The following SUCO variants were observed in gnomAD, a reference collection of about 807,000 sequenced individuals.
SUCO encodes SUN domain containing ossification factor, also known as SUN domain-containing ossification factor.
SUCO carries 57 observed loss-of-function variants against 148.1 expected under a neutral mutation model. The observed-to-expected ratio is 0.38, with a 90% CI of 0.31 to 0.48. The LOEUF (loss-of-function observed/expected upper bound fraction) is 0.48, where lower values mean the gene tolerates loss of function less well. Among genes scored for constraint, SUCO ranks in the 20% least tolerant of loss-of-function variants. SUCO has a pLI of 0.96. For synonymous variants in SUCO, 470 were observed against 502.7 expected, an observed-to-expected ratio of 0.93 and a Z score of 0.87; for missense variants, 1,331 against 1,468.2, an observed-to-expected ratio of 0.91 and a Z score of 1.53.
chr1:172,573,837 A>T, intron 9 of SUCO, 54 bp from the exon 10 acceptor site: 1 of 982,486 alleles, frequency 1.0e-6, no homozygotes, highest in Non-Finnish European at 1.6e-6. Flanking sequence ...GTCATATTTA[A>T]TATGAACTGT....
chr1:172,575,728 C>G (rs561650018), intron 11 of SUCO, 105 bp downstream of exon 11: 1 of 682,996 alleles, frequency 1.5e-6, no homozygotes, highest in South Asian at 1.9e-5. Context: ...AAGAAATAGA[C>G]TACACTATAC....
At chr1:172,565,105 A>C (rs1654463028) in intron 6 of SUCO, among the ~76,000 whole-genome samples, 1 of 151,998 alleles carries the variant, frequency 6.6e-6, no homozygotes, top group African/African-American at 2.4e-5. Context: ...TTCTATTCTC[A>C]TGCCATTTTA....
At chr1:172,602,616 C>T in intron 21 of SUCO, 80 bp from the exon 22 acceptor site, 6 of 1,561,650 alleles carry the variant, frequency 3.8e-6, no homozygotes, top group Non-Finnish European at 4.3e-6. Context: ...TCTCAATAAC[C>T]TCTGTGTAGC....
chr1:172,535,708 C>G (rs142413718), intron 1 of SUCO, among the ~76,000 whole-genome samples: 18 of 152,270 alleles, frequency 1.2e-4, no homozygotes, highest in African/African-American at 4.3e-4. Flanking sequence ...CAAATTGTCT[C>G]AAAATTTTGT....
intron 1 of SUCO, among the ~76,000 whole-genome samples, chr1:172,543,866 G>T (rs1329994886): frequency 6.6e-6 from 1 of 152,022 alleles, no homozygotes; most frequent in Admixed American, 6.6e-5. Flanking sequence ...CAGAAGAGAA[G>T]CAACCTTAAA....
intron 1 of SUCO, among the ~76,000 whole-genome samples, chr1:172,539,410 C>T (rs561317045): frequency 1.1e-4 from 17 of 152,218 alleles, no homozygotes; most frequent in Admixed American, 7.2e-4. Flanking sequence ...TTGTACATGT[C>T]ACAAGGGAAT....
At chr1:172,565,398 T>C (rs1205386453) in intron 6 of SUCO, among the ~76,000 whole-genome samples, 1 of 152,208 alleles carries the variant, frequency 6.6e-6, no homozygotes, top group Non-Finnish European at 1.5e-5. Flanking sequence ...CTTCTAACTT[T>C]AGGACAGAAA....
At chr1:172,562,191 ACT>A (rs1267734060) in intron 6 of SUCO, among the ~76,000 whole-genome samples, 2 of 152,288 alleles carry the variant, frequency 1.3e-5, no homozygotes, top group East Asian at 3.9e-4. Flanking sequence ...GAGGAGAAAA[ACT>A]CACAGGAGCT....
At chr1:172,562,336 T>A (rs1176089291) in intron 6 of SUCO, among the ~76,000 whole-genome samples, 2 of 150,976 alleles carry the variant, frequency 1.3e-5, no homozygotes, top group African/African-American at 4.9e-5. Flanking sequence ...CATTTTTTTT[T>A]TTTTTTTTTT....
chr1:172,600,591 C>T (rs1463555777), intron 20 of SUCO, among the ~76,000 whole-genome samples: 2 of 152,096 alleles, frequency 1.3e-5, no homozygotes, highest in Non-Finnish European at 2.9e-5. Context: ...TTAATAGTCC[C>T]TGGCCTCACA....
rs1406791058 is a variant in SUCO at position 172,578,380 on chromosome 1, G to T, written c.1423G>T (p.Glu475Ter). ...CTCAGAACGCCAGGAACTATTTGAT[G>T]AGGACTATGGTAAGTGACATCAAAC... ...YHSERQELFD[E>*]DYDYPLDYNT... Residue 475 changes from glutamate to a stop codon, truncating the protein, a stop_gained, in exon 14 of 24, where the codon GAG becomes TAG. Transcript: ENST00000263688. LOFTEE classifies it high-confidence loss of function. The T allele has an allele frequency of 6.2e-7, 1 of 1,611,510 alleles. No homozygotes were observed. Among genetic ancestry groups the T allele is most frequent in the Non-Finnish European group, 8.5e-7 (1 of 1,177,900 alleles).
At chr1:172,586,875 T>G (rs980468294) in intron 17 of SUCO, among the ~76,000 whole-genome samples, 4 of 152,132 alleles carry the variant, frequency 2.6e-5, no homozygotes, top group African/African-American at 9.6e-5. Flanking sequence ...AGATATTTAT[T>G]GGGTAATTAG....
intron 19 of SUCO, among the ~76,000 whole-genome samples, chr1:172,594,451 A>G (rs544309173): frequency 1.1e-4 from 16 of 152,246 alleles, no homozygotes; most frequent in Admixed American, 1.0e-3. Context: ...ACTGCTTTAA[A>G]TGTGTCCCAG....
At chr1:172,590,043 G>T in intron 18 of SUCO, 117 bp downstream of exon 18, 2 of 755,408 alleles carry the variant, frequency 2.6e-6, no homozygotes, top group Non-Finnish European at 3.7e-6. Context: ...AGAGGTAAGC[G>T]CAATTTTAGC....
At chr1:172,562,202 C>T (rs1315264830) in intron 6 of SUCO, among the ~76,000 whole-genome samples, 2 of 151,900 alleles carry the variant, frequency 1.3e-5, no homozygotes, top group Non-Finnish European at 2.9e-5. Context: ...CTCACAGGAG[C>T]TCACAAAAAA....
intron 23 of SUCO, 67 bp downstream of exon 23, chr1:172,608,869 A>C: frequency 8.9e-7 from 1 of 1,127,210 alleles, no homozygotes. Flanking sequence ...AAAGAGGTTG[A>C]AAGGTTTAAG....
rs771848544 is a variant in SUCO, at chr1:172,589,069, A to G, written c.1968A>G (p.Lys656=). 9.3e-6 allele frequency: 15 copies of G among 1,613,762 alleles called. No homozygotes were observed. The highest frequency in any genetic ancestry group is 1.2e-5 in the Non-Finnish European group (14 of 1,179,830). The part of the protein sequence containing the change: ...QRSRTALSKG[K]DYLVLAQPPL... Reference sequence around the variant, plus strand: ...GCCGAACTGCTTTGAGTAAAGGAAAAGATTATCTTGTGTTAGCTCAACCAC... The same window carrying G: ...GCCGAACTGCTTTGAGTAAAGGAAAGGATTATCTTGTGTTAGCTCAACCAC... Residue 656 remains lysine, a synonymous_variant, in exon 18 of 24, where the codon AAA becomes AAG. Transcript: ENST00000263688.
chr1:172,578,250 TA>T lies in SUCO; in HGVS notation c.1341-46del, dbSNP rs1655604138. 2.2e-6 allele frequency: 3 copies of T among 1,341,502 alleles called. No homozygotes were observed. The Admixed American group carries it at 5.1e-5, about 23-fold the overall frequency. The allele number at this position is 1,341,502 out of a possible 1,614,324, so 83.1% of individuals were successfully genotyped here. A position where few individuals can be genotyped will look rare whatever the true frequency, so the allele number is the denominator to read the frequency against. On this transcript the variant is annotated intron_variant, in intron 13 of 23. Transcript: ENST00000263688. ...TCATTTATTGTGAAGAGATTAGTCTTAACGAGTGTTTTGTTTTGGAAGTCTT... is the reference window on the plus strand; with the variant it reads ...TCATTTATTGTGAAGAGATTAGTCTTACGAGTGTTTTGTTTTGGAAGTCTT...
At chr1:172,573,511 G>A (rs545321517) in intron 9 of SUCO, among the ~76,000 whole-genome samples, 4 of 152,044 alleles carry the variant, frequency 2.6e-5, no homozygotes, top group East Asian at 3.9e-4. Flanking sequence ...GAACTAAATC[G>A]AAGACTATGA....
Sources: gnomAD v4.1 joint callset for allele counts (sites outside exome capture counted in the v4.1 genomes callset) on GRCh38, gnomAD v4.1.1 for gene constraint, MANE v1.5 for transcripts, NCBI Gene and HGNC (gene_info 2026-07-23, HGNC 2026-07-21) for gene names.